Variants in STX12 observed in about 807,000 individuals in gnomAD.
The protein encoded by STX12 is syntaxin 12.
In STX12, 17 loss-of-function variants were observed where a neutral mutation model predicts 42.2. The ratio of observed to expected loss-of-function variants is 0.40; its 90% CI spans 0.28 to 0.60. STX12 has a LOEUF of 0.60. Ranked by LOEUF, STX12 falls within the 20% of genes least tolerant of loss-of-function variation. STX12 has a pLI of 0.39. For synonymous variants in STX12, 108 were observed against 116.7 expected, an observed-to-expected ratio of 0.93 and a Z score of 0.48; for missense variants, 297 against 330.9, an observed-to-expected ratio of 0.90 and a Z score of 0.79.
intron 1 of STX12, among the ~76,000 whole-genome samples, chr1:27,775,801 C>T (rs1176305300): frequency 6.6e-6 from 1 of 151,896 alleles, no homozygotes; most frequent in East Asian, 1.9e-4. Flanking sequence ...TTTGGACCTT[C>T]GAAGGTAAAG....
At chr1:27,781,868 T>C (rs1488338201) in intron 1 of STX12, among the ~76,000 whole-genome samples, 1 of 152,194 alleles carries the variant, frequency 6.6e-6, no homozygotes, top group Non-Finnish European at 1.5e-5. Flanking sequence ...TACATTTTTC[T>C]TGGTCTTGAG....
intron 2 of STX12, among the ~76,000 whole-genome samples, chr1:27,790,722 A>G (rs1361771975): frequency 6.6e-6 from 1 of 152,124 alleles, no homozygotes; most frequent in Non-Finnish European, 1.5e-5. Flanking sequence ...CGGGCAGATC[A>G]CCTGAGGTCA....
At chr1:27,821,078 T>G (rs2088980302) in intron 8 of STX12, among the ~76,000 whole-genome samples, 3 of 148,818 alleles carry the variant, frequency 2.0e-5, no homozygotes, top group African/African-American at 2.5e-5. Flanking sequence ...GATGACGAGT[T>G]AGTGGGTGCA....
In STX12 at chr1:27,822,394, A is replaced by G; in HGVS notation, c.*65A>G. On this transcript the variant is annotated 3_prime_UTR_variant, in exon 9 of 9. Transcript: ENST00000373943. ...CAAGTGCTTGTTGAAGTCTTGCCAG[A>G]ACAAACTGATCACAAGAAGACAGCA... is the stretch of plus-strand genomic sequence containing the variant. 1 of 1,015,622 alleles carries G rather than the reference A, an allele frequency of 9.8e-7. No homozygotes were observed. The highest frequency in any genetic ancestry group is 1.6e-6 in the Non-Finnish European group (1 of 634,616). 62.9% of individuals were successfully genotyped at this position (1,015,622 alleles called of 1,614,324 possible).
At chr1:27,789,723 A>G (rs2088725907) in intron 2 of STX12, 92 bp downstream of exon 2, 5 of 948,276 alleles carry the variant, frequency 5.3e-6, no homozygotes, top group Non-Finnish European at 6.6e-6. Flanking sequence ...CAGGTCTGGG[A>G]AGTCAGAATG....
At chr1:27,817,047 G>A (rs2088948386) in intron 6 of STX12, among the ~76,000 whole-genome samples, 1 of 148,638 alleles carries the variant, frequency 6.7e-6, no homozygotes, top group Non-Finnish European at 1.5e-5. Flanking sequence ...GGAAAGAGAG[G>A]GAGGGAGGAA....
At chr1:27,802,355 T>C (rs1193613159) in intron 4 of STX12, among the ~76,000 whole-genome samples, 3 of 152,184 alleles carry the variant, frequency 2.0e-5, no homozygotes, top group African/African-American at 4.8e-5. Context: ...CAAAGGTCCA[T>C]GCAAGAGAGA....
chr1:27,818,208 CG>C (rs1379643186), intron 7 of STX12: 3 of 269,760 alleles, frequency 1.1e-5, no homozygotes, highest in Non-Finnish European at 2.1e-5. Context: ...CGGTGAAACC[CG>C]TCTCTACTAA....
chr1:27,776,067 G>C (rs1393786319), intron 1 of STX12, among the ~76,000 whole-genome samples: 1 of 152,180 alleles, frequency 6.6e-6, no homozygotes, highest in Non-Finnish European at 1.5e-5. Flanking sequence ...ACCAGTTAGG[G>C]CTGTGAAAAT....
At chr1:27,781,719 G>C (rs2088669363) in intron 1 of STX12, among the ~76,000 whole-genome samples, 1 of 151,918 alleles carries the variant, frequency 6.6e-6, no homozygotes, top group Non-Finnish European at 1.5e-5. Flanking sequence ...TTTTGATATT[G>C]TCACCCCAAG....
intron 1 of STX12, among the ~76,000 whole-genome samples, chr1:27,787,843 T>C (rs550720695): frequency 3.9e-5 from 6 of 152,210 alleles, no homozygotes; most frequent in Non-Finnish European, 8.8e-5. Flanking sequence ...TTTGGAACAA[T>C]TAATTTTTAA....
At position 27,801,728 on chromosome 1, in the gene STX12, C is replaced by G; in HGVS notation, c.339C>G (p.Ala113=). The G allele has an allele frequency of 6.3e-7, 1 of 1,591,712 alleles. No individual in the cohort carries two copies. The highest frequency in any genetic ancestry group is 8.5e-7 in the Non-Finnish European group (1 of 1,172,334). ...KERLMNDFSA[A]LNNFQAVQRR... is the part of the protein sequence containing the mutation. Reference sequence around the variant, plus strand: ...GCCTCATGAATGACTTCTCTGCAGCCTTAAACAATTTCCAGGCTGTGCAGA... The same window carrying G: ...GCCTCATGAATGACTTCTCTGCAGCGTTAAACAATTTCCAGGCTGTGCAGA... Residue 113 remains alanine, a synonymous_variant, in exon 4 of 9, where the codon GCC becomes GCG. Coordinates refer to ENST00000373943, the MANE Select transcript of STX12 (RefSeq NM_177424.3).
intron 4 of STX12, among the ~76,000 whole-genome samples, chr1:27,805,931 T>C (rs1358778444): frequency 6.6e-6 from 1 of 152,242 alleles, no homozygotes; most frequent in African/African-American, 2.4e-5. Flanking sequence ...GACTTCATAC[T>C]CTGTTACATT....
Position 27,817,936 on chromosome 1 carries a change from G to A in STX12, c.649+13G>A. On this transcript the variant is annotated intron_variant, in intron 7 of 8. Coordinates refer to ENST00000373943, the MANE Select transcript of STX12 (RefSeq NM_177424.3). ...GGTGATCTGATTGGTATGTATTATT[G>A]ATACCTTTAACCTCAAGGTGAGTTG... 1 of 1,606,258 alleles carries A rather than the reference G, an allele frequency of 6.2e-7. No homozygotes were observed. The highest frequency in any genetic ancestry group is 1.7e-5 in the Admixed American group (1 of 59,982).
intron 7 of STX12, among the ~76,000 whole-genome samples, chr1:27,818,720 C>G (rs1482607621): frequency 1.3e-5 from 2 of 151,832 alleles, no homozygotes; most frequent in African/African-American, 4.8e-5. Context: ...ACCTCCGCCT[C>G]CTGGGTTCAA....
In STX12 at chr1:27,810,287, C is replaced by T; in HGVS notation, c.468C>T (p.Asp156=). ...GAGAGGAGCAGCTGGTCTCATTTGA[C>T]AGGTAATAGAATTATTCATACAACC... The part of the protein sequence containing the change: ...RQREEQLVSF[D]SHEEWNQMQS... The change falls in exon 5 of 9, where the codon GAC becomes GAT. Residue 156 remains aspartate (D), a splice_region_variant and synonymous_variant. Coordinates refer to ENST00000373943, the MANE Select transcript of STX12 (RefSeq NM_177424.3). 6.2e-7 allele frequency: 1 copy of T among 1,612,662 alleles called. No homozygotes were observed. The highest frequency in any genetic ancestry group is 8.5e-7 in the Non-Finnish European group (1 of 1,178,994).
intron 4 of STX12, among the ~76,000 whole-genome samples, chr1:27,803,588 G>A (rs2088840269): frequency 6.6e-6 from 1 of 152,114 alleles, no homozygotes; most frequent in Non-Finnish European, 1.5e-5. Context: ...GATCTCAGAT[G>A]GAAAGTCTGA....
rs1557809131 is a variant in STX12 at position 27,819,740 on chromosome 1, CG to C, written c.732+11del. The C allele has an allele frequency of 6.2e-7, 1 of 1,612,354 alleles. No homozygotes were observed. Among genetic ancestry groups the C allele is most frequent in the Admixed American group, 1.7e-5 (1 of 59,890 alleles). Reference sequence around the variant, plus strand: ...CGAGCTGCTTACTATCAGGTAAAAGCGGGTACCAAAGAAAGTCACTCTGTGT... The same window carrying C: ...CGAGCTGCTTACTATCAGGTAAAAGCGGTACCAAAGAAAGTCACTCTGTGT... On this transcript the variant is annotated intron_variant, in intron 8 of 8. Coordinates refer to ENST00000373943, the MANE Select transcript of STX12 (RefSeq NM_177424.3).
chr1:27,805,580 T>TTTAC (rs2088858176), intron 4 of STX12, among the ~76,000 whole-genome samples: 1 of 152,224 alleles, frequency 6.6e-6, no homozygotes, highest in African/African-American at 2.4e-5. Flanking sequence ...AATTTGACTA[T>TTTAC]TTACTTACTT....
Sources: allele counts gnomAD v4.1 joint callset (sites outside exome capture counted in the v4.1 genomes callset), GRCh38; gene constraint gnomAD v4.1.1; transcripts MANE v1.5; gene names NCBI Gene and HGNC (gene_info 2026-07-23, HGNC 2026-07-21).